Variants in MSRB3 observed in about 807,000 individuals in gnomAD.
MSRB3 encodes the protein methionine sulfoxide reductase B3, also known as methionine-R-sulfoxide reductase B3.
A neutral mutation model predicts 21.0 loss-of-function variants in MSRB3; 13 were observed. The ratio of observed to expected loss-of-function variants is 0.62; its 90% CI spans 0.40 to 0.98. The LOEUF (loss-of-function observed/expected upper bound fraction) is 0.98, where lower values mean the gene tolerates loss of function less well. Among genes scored for constraint, MSRB3 ranks in the 50% least tolerant of loss-of-function variants. The pLI, the probability that MSRB3 is intolerant of heterozygous loss-of-function variation, is 0.00. For synonymous variants in MSRB3, 87 were observed against 88.6 expected (o/e 0.98, Z 0.10); for missense variants, 199 against 230.3 (o/e 0.86, Z 0.88).
chr12:65,298,786 G>A (rs183693159), intron 1 of MSRB3, among the ~76,000 whole-genome samples: 1 of 152,256 alleles, frequency 6.6e-6, no homozygotes, highest in Admixed American at 6.5e-5. Context: ...TTCCATGAAT[G>A]GGTGGCAAAG....
intron 5 of MSRB3, among the ~76,000 whole-genome samples, chr12:65,406,909 T>C (rs762027143): frequency 1.3e-5 from 2 of 152,194 alleles, no homozygotes; most frequent in Non-Finnish European, 2.9e-5. Context: ...AGGCACTATC[T>C]TGGAAGCAGA....
chr12:65,306,170 C>A lies in MSRB3; in HGVS notation c.-51-2359C>A, dbSNP rs7305584. Among the ~76,000 whole-genome samples, 1,435 of 152,214 alleles carry A rather than the reference C, an allele frequency of 9.4e-3. 24 individuals are homozygous for A. Among genetic ancestry groups the A allele is most frequent in the African/African-American group, 0.033 (1,384 of 41,532 alleles). ...CCATTGTGATATCCCATCTTTCATG[C>A]AAATATATGTATTTTAGATCTGTTT... On this transcript the variant is annotated intron_variant, in intron 1 of 6. Coordinates refer to ENST00000308259, the MANE Select transcript of MSRB3 (RefSeq NM_001031679.3).
chr12:65,310,879 A>G (rs902822011), intron 2 of MSRB3, among the ~76,000 whole-genome samples: 8 of 152,200 alleles, frequency 5.3e-5, no homozygotes, highest in Middle Eastern at 3.2e-3. Context: ...TGTTTGTAAC[A>G]TGGAGATAAT....
At chr12:65,306,132 G>A (rs1259251271) in intron 1 of MSRB3, among the ~76,000 whole-genome samples, 2 of 152,022 alleles carry the variant, frequency 1.3e-5, no homozygotes, top group East Asian at 1.9e-4. Context: ...CTGTGTTCAC[G>A]GATCACACAC....
intron 5 of MSRB3, among the ~76,000 whole-genome samples, chr12:65,372,338 A>G (rs1463986977): frequency 6.6e-6 from 1 of 152,194 alleles, no homozygotes; most frequent in Non-Finnish European, 1.5e-5. Context: ...ATTAGTTAAA[A>G]TGTCAGCTGC....
intron 5 of MSRB3, among the ~76,000 whole-genome samples, chr12:65,435,311 C>T (rs1882066102): frequency 6.6e-6 from 1 of 151,964 alleles, no homozygotes; most frequent in East Asian, 1.9e-4. Flanking sequence ...AAATGTTTTT[C>T]ATATGTTTCA....
rs1875218064 is a variant in MSRB3 at position 65,328,715 on chromosome 12, T to C, written c.263+112T>C. 7 of 786,398 alleles carry C rather than the reference T, an allele frequency of 8.9e-6. No individual in the cohort carries two copies. The East Asian group carries it at 1.8e-4, about 20-fold the overall frequency. 48.7% of individuals were successfully genotyped at this position (786,398 alleles called of 1,614,324 possible). ...TGCTGAATTTTCTTCTGTTTGTTTT[T>C]CTATTTCCATTTACCCCCAACAAAA... On this transcript the variant is annotated intron_variant, in intron 4 of 6. Transcript: ENST00000308259.
intron 1 of MSRB3, among the ~76,000 whole-genome samples, chr12:65,307,732 A>G (rs1230095158): frequency 6.6e-6 from 1 of 152,206 alleles, no homozygotes; most frequent in Non-Finnish European, 1.5e-5. Context: ...TCATTTCCAA[A>G]GACATTAAAA....
intron 5 of MSRB3, among the ~76,000 whole-genome samples, chr12:65,399,752 T>C (rs990802159): frequency 3.3e-5 from 5 of 152,176 alleles, no homozygotes; most frequent in Non-Finnish European, 7.3e-5. Flanking sequence ...CATAAATAGC[T>C]CTTATTATTT....
intron 6 of MSRB3, among the ~76,000 whole-genome samples, chr12:65,459,270 A>G (rs1883217149): frequency 6.6e-6 from 1 of 152,180 alleles, no homozygotes; most frequent in African/African-American, 2.4e-5. Context: ...AGAAAGGTAA[A>G]TATGCACCAA....
At chr12:65,341,130 AC>A (rs569677701) in intron 4 of MSRB3, among the ~76,000 whole-genome samples, 274 of 152,294 alleles carry the variant, frequency 1.8e-3, no homozygotes, top group African/African-American at 6.0e-3. Flanking sequence ...AGCACTGTTC[AC>A]AATAGCCAAG....
At chr12:65,368,919 C>G (rs1878161038) in intron 4 of MSRB3, 79 bp from the exon 5 acceptor site, 1 of 506,138 alleles carries the variant, frequency 2.0e-6, no homozygotes. Context: ...CCCCTCCCAA[C>G]CACACCCCCC....
At chr12:65,318,489 A>G (rs1251508090) in intron 2 of MSRB3, among the ~76,000 whole-genome samples, 1 of 152,112 alleles carries the variant, frequency 6.6e-6, no homozygotes, top group Non-Finnish European at 1.5e-5. Flanking sequence ...AATGGAAATG[A>G]GCCTGTCTGT....
At chr12:65,412,791 T>C (rs1880781927) in intron 5 of MSRB3, among the ~76,000 whole-genome samples, 1 of 152,120 alleles carries the variant, frequency 6.6e-6, no homozygotes, top group East Asian at 1.9e-4. Context: ...TTTAATTGGC[T>C]CACAGTTTAG....
At chr12:65,416,252 C>T (rs1395864263) in intron 5 of MSRB3, among the ~76,000 whole-genome samples, 18 of 152,178 alleles carry the variant, frequency 1.2e-4, no homozygotes, top group Admixed American at 1.2e-3. Flanking sequence ...CCATATCATT[C>T]TTGCCTGTGT....
At chr12:65,455,555 G>T (rs1883050794) in intron 6 of MSRB3, among the ~76,000 whole-genome samples, 1 of 152,102 alleles carries the variant, frequency 6.6e-6, no homozygotes, top group Non-Finnish European at 1.5e-5. Flanking sequence ...GGAAACTGAG[G>T]CACAAAGAGA....
intron 5 of MSRB3, among the ~76,000 whole-genome samples, chr12:65,396,582 T>G (rs556481315): frequency 2.6e-5 from 4 of 151,828 alleles, no homozygotes; most frequent in Admixed American, 2.6e-4. Context: ...TCCCAGCTAC[T>G]CAGGAGGCTG....
intron 5 of MSRB3, among the ~76,000 whole-genome samples, chr12:65,391,643 A>G (rs528424921): frequency 7.7e-4 from 118 of 152,368 alleles, no homozygotes; most frequent in African/African-American, 2.7e-3. Context: ...TTGTTTTTCA[A>G]AAGTTCATTT....
chr12:65,439,448 T>C (rs1480845749), intron 5 of MSRB3, among the ~76,000 whole-genome samples: 1 of 151,616 alleles, frequency 6.6e-6, no homozygotes, highest in Non-Finnish European at 1.5e-5. Context: ...GAAGTATCTT[T>C]CAAATAAAAA....
Sources: allele counts gnomAD v4.1 joint callset (sites outside exome capture counted in the v4.1 genomes callset), GRCh38; gene constraint gnomAD v4.1.1; transcripts MANE v1.5; gene names NCBI Gene and HGNC (gene_info 2026-07-23, HGNC 2026-07-21).